Variants in IFFO1 observed in about 807,000 individuals in gnomAD.
IFFO1 encodes the protein non-homologous end joining factor IFFO1.
Under a neutral mutation model 59.6 loss-of-function variants are expected in IFFO1, and 42 were observed. That is an observed-to-expected ratio of 0.70 (90% CI 0.55 to 0.91). IFFO1 has a LOEUF of 0.91. IFFO1 is among the 40% of genes least tolerant of loss of function. IFFO1 has a pLI of 0.00. For synonymous variants in IFFO1, 336 were observed against 342.8 expected (o/e 0.98, Z 0.22); for missense variants, 711 against 793.2 (o/e 0.90, Z 1.24).
chr12:6,549,845 T>C lies in IFFO1; in HGVS notation c.982A>G (p.Met328Val), dbSNP rs778057903. Residue 328 changes from methionine (M) to valine (V), a missense_variant, in exon 4 of 10, where the codon ATG (methionine) becomes GTG (valine). This residue lies in a region of IFFO1 where 579 missense variants were observed against 650.3 expected (regional missense o/e 0.89). Coordinates refer to ENST00000619571, the MANE Select transcript of IFFO1 (RefSeq NM_001193457.2). This position sits in a 1 kb window ranked among gnomAD's most constrained non-coding sequence, Gnocchi z 5.0. ...KIQEKAMKVD[M>V]DICRRIDITA... is the part of the protein sequence containing the mutation. Reference sequence around the variant, plus strand: ...ATGTCGATGCGGCGGCAGATGTCCATATCCACCTTCATGGCTTTCTCCTGG... The same window carrying C: ...ATGTCGATGCGGCGGCAGATGTCCACATCCACCTTCATGGCTTTCTCCTGG... The C allele has an allele frequency of 1.2e-6, 2 of 1,614,194 alleles. No homozygotes were observed. Among genetic ancestry groups the C allele is most frequent in the South Asian group, 1.1e-5 (1 of 91,082 alleles).
chr12:6,554,648 G>T (rs911724984), intron 1 of IFFO1, among the ~76,000 whole-genome samples: 8 of 152,146 alleles, frequency 5.3e-5, no homozygotes, highest in South Asian at 4.1e-4. Context: ...TGTCAGCCCT[G>T]CTCTCCACCC....
At chr12:6,551,751 TGAGTAC>T in intron 1 of IFFO1, 1 of 347,458 alleles carries the variant, frequency 2.9e-6, no homozygotes, top group Non-Finnish European at 5.7e-6. Context: ...AGGGGCCCGG[TGAGTAC>T]GGCAAATGAG....
Position 6,540,502 on chromosome 12 carries a change from G to T in IFFO1, c.1697C>A (p.Ser566Tyr), listed in dbSNP as rs1486835327. The change falls in exon 10 of 10, where the codon TCT becomes TAT. Residue 566 changes from serine (S) to tyrosine (Y), a missense_variant. By Grantham distance (144) the Ser-to-Tyr change is moderately radical (BLOSUM62 -2). This residue lies in a region of IFFO1 where 579 missense variants were observed against 650.3 expected (regional missense o/e 0.89). Coordinates refer to ENST00000619571, the MANE Select transcript of IFFO1 (RefSeq NM_001193457.2). ...AGGTCTCTATCTCATGGAGCTGTCAGATGAGACATCGCGATCGGAGTCCTC... is the reference window on the plus strand; with the variant it reads ...AGGTCTCTATCTCATGGAGCTGTCATATGAGACATCGCGATCGGAGTCCTC... Reference protein sequence around the residue: ...EAEDSDRDVSSDSSMR With the variant: ...EAEDSDRDVSYDSSMR 3.1e-6 allele frequency: 5 copies of T among 1,613,982 alleles called. No individual in the cohort carries two copies. The East Asian group carries it at 1.1e-4, about 36-fold the overall frequency.
chr12:6,549,550 G>A lies in IFFO1; in HGVS notation c.1072-66C>T, dbSNP rs1947141041. The stretch of plus-strand genomic sequence containing the variant: ...GAGGAAGCAGACAGAGGAGAGAGAG[G>A]GGGAAGGGAGAGACGGCGTTAGAGA... On this transcript the variant is annotated intron_variant, in intron 4 of 9. Transcript: ENST00000619571. This position sits in a 1 kb window ranked among gnomAD's most constrained non-coding sequence, Gnocchi z 5.0. 1.4e-6 allele frequency: 2 copies of A among 1,425,666 alleles called. No homozygotes were observed. Among genetic ancestry groups the A allele is most frequent in the Admixed American group, 1.7e-5 (1 of 59,080 alleles). The allele number at this position is 1,425,666 out of a possible 1,614,324, so 88.3% of individuals were successfully genotyped here.
At chr12:6,552,864 T>C (rs1405350694) in intron 1 of IFFO1, among the ~76,000 whole-genome samples, 1 of 152,210 alleles carries the variant, frequency 6.6e-6, no homozygotes, top group Non-Finnish European at 1.5e-5. Flanking sequence ...TTCCATCTGG[T>C]CTCACTTATA....
At position 6,540,407 on chromosome 12, in the gene IFFO1, C is replaced by G; in HGVS notation, c.*76G>C. 8.4e-7 allele frequency: 1 copy of G among 1,184,768 alleles called. No individual in the cohort carries two copies. The highest frequency in any genetic ancestry group is 1.3e-6 in the Non-Finnish European group (1 of 790,678). 73.4% of individuals were successfully genotyped at this position (1,184,768 alleles called of 1,614,324 possible). On this transcript the variant is annotated 3_prime_UTR_variant, in exon 10 of 10. Coordinates refer to ENST00000619571, the MANE Select transcript of IFFO1 (RefSeq NM_001193457.2). ...GGTGCAGAGCTGCAGCTGATGTTCC[C>G]CTCTGTGCAGCCCCACCCTCTGCCT...
intron 8 of IFFO1, among the ~76,000 whole-genome samples, chr12:6,542,372 C>CA (rs1946757719): frequency 6.6e-6 from 1 of 152,180 alleles, no homozygotes; most frequent in Non-Finnish European, 1.5e-5. Context: ...CACTCTGAGG[C>CA]AGGCGGAGAG....
intron 1 of IFFO1, among the ~76,000 whole-genome samples, chr12:6,554,263 G>T (rs960100780): frequency 1.3e-5 from 2 of 152,076 alleles, no homozygotes; most frequent in Non-Finnish European, 2.9e-5. Context: ...CGCCCACAAG[G>T]GGTCATAATA....
At chr12:6,546,929 G>T (rs1812321183) in intron 8 of IFFO1, among the ~76,000 whole-genome samples, 1 of 152,178 alleles carries the variant, frequency 6.6e-6, no homozygotes, top group Admixed American at 6.6e-5. Flanking sequence ...AAGGCTGAGT[G>T]GAAGAAACAG....
chr12:6,553,696 C>T (rs973234777), intron 1 of IFFO1, among the ~76,000 whole-genome samples: 2 of 152,120 alleles, frequency 1.3e-5, no homozygotes, highest in Non-Finnish European at 1.5e-5. Flanking sequence ...TGCTTGAGCC[C>T]AGGAGGATGA....
In IFFO1 at chr12:6,548,659, C is replaced by T. The variant is rs373750963; in HGVS notation, c.1262+9G>A. On this transcript the variant is annotated intron_variant, in intron 6 of 9. Transcript: ENST00000619571. The surrounding 1 kb of genome is among the most constrained non-coding windows in gnomAD (Gnocchi z 6.1). ...GTCGGTGCTGCGGGAGCACGGCCTG[C>T]GGACTCACAGCTGGTTGAGCATGCG... 4.5e-5 allele frequency: 72 copies of T among 1,613,970 alleles called. No homozygotes were observed. The highest frequency in any genetic ancestry group is 1.1e-4 in the African/African-American group (8 of 75,022).
chr12:6,548,292 A>C lies in IFFO1; in HGVS notation c.1384-132T>G. 1 of 1,334,934 alleles carries C rather than the reference A, an allele frequency of 7.5e-7. No homozygotes were observed. The highest frequency in any genetic ancestry group is 1.1e-6 in the Non-Finnish European group (1 of 938,714). 82.7% of individuals were successfully genotyped at this position (1,334,934 alleles called of 1,614,324 possible). A position where few individuals can be genotyped will look rare whatever the true frequency, so the allele number is the denominator to read the frequency against. ...AAACTGGAGAAAGAAAAGCAAAAGG[A>C]TAAAGGAAGAGGGGAGACGCAGGTA... On this transcript the variant is annotated intron_variant, in intron 7 of 9. Coordinates refer to ENST00000619571, the MANE Select transcript of IFFO1 (RefSeq NM_001193457.2). This position sits in a 1 kb window ranked among gnomAD's most constrained non-coding sequence, Gnocchi z 6.1.
intron 8 of IFFO1, among the ~76,000 whole-genome samples, chr12:6,546,682 G>A (rs917815701): frequency 6.6e-6 from 1 of 152,088 alleles, no homozygotes; most frequent in Non-Finnish European, 1.5e-5. Context: ...GTAGAGACGG[G>A]GTTTCACCGT....
rs748439001 is a variant in IFFO1 at position 6,541,609 on chromosome 12, G to T, written c.1513C>A (p.Arg505=). 2.5e-6 allele frequency: 4 copies of T among 1,614,160 alleles called. No individual in the cohort carries two copies. The South Asian group carries it at 4.4e-5, about 18-fold the overall frequency. Residue 505 remains arginine, a synonymous_variant, in exon 9 of 10, where the codon CGG becomes AGG. Transcript: ENST00000619571. The surrounding 1 kb of genome is among the most constrained non-coding windows in gnomAD (Gnocchi z 4.8). ...ATCTCCATGTACTCGTGCAGGTGCC[G>T]GTTCATGTCGTTCTTGGCCGTGGCC... ...ELATAKNDMN[R]HLHEYMEMCS...
At chr12:6,550,241 A>G (rs892100463) in intron 3 of IFFO1, 4 of 330,784 alleles carry the variant, frequency 1.2e-5, no homozygotes, top group Non-Finnish European at 2.2e-5. Context: ...CCTGGGAATT[A>G]TAAGAGTGGA....
chr12:6,540,181 G>A lies in IFFO1; in HGVS notation c.*302C>T, dbSNP rs1433745446. 7 of 489,868 alleles carry A rather than the reference G, an allele frequency of 1.4e-5. No homozygotes were observed. The highest frequency in any genetic ancestry group is 3.9e-5 in the African/African-American group (2 of 50,896). 30.3% of individuals were successfully genotyped at this position (489,868 alleles called of 1,614,324 possible). On this transcript the variant is annotated 3_prime_UTR_variant, in exon 10 of 10. Transcript: ENST00000619571. ...TCCTGATACGTGGACAAGGTGAGGG[G>A]CCGCAATCGCTCTGGCAGCATTTTA...
chr12:6,544,165 C>CTTTTT (rs531995265), intron 8 of IFFO1, among the ~76,000 whole-genome samples: 5 of 136,708 alleles, frequency 3.7e-5, no homozygotes, highest in South Asian at 4.6e-4. Context: ...TTTGAAAATA[C>CTTTTT]TTTTTTTTTT....
rs746776407 is a variant in IFFO1, at chr12:6,540,571, G to C, written c.1628C>G (p.Thr543Ser). 4 of 1,613,742 alleles carry C rather than the reference G, an allele frequency of 2.5e-6. No homozygotes were observed. The African/African-American group carries it at 4.0e-5, about 16-fold the overall frequency. The change falls in exon 10 of 10, where the codon ACT becomes AGT. Residue 543 changes from threonine (T) to serine (S), a missense_variant. Physicochemically the swap from Thr to Ser is moderately conservative, Grantham distance 58. Transcript: ENST00000619571. Reference protein sequence around the residue: ...QSGDRKSPAFTAVPLSDPPPP... With the variant: ...QSGDRKSPAFSAVPLSDPPPP... ...CGGCGGGTCGCTAAGCGGGACCGCA[G>C]TGAAAGCAGGAGACTTTCTAGAAAA...
intron 1 of IFFO1, chr12:6,551,540 G>C (rs1382251216): frequency 1.7e-6 from 2 of 1,193,134 alleles, no homozygotes; most frequent in Non-Finnish European, 2.2e-6. Flanking sequence ...AGTGGGTCAA[G>C]AGCCTGGTAG....
Sources: gnomAD v4.1 joint callset for allele counts (sites outside exome capture counted in the v4.1 genomes callset) on GRCh38, gnomAD v4.1.1 for gene constraint, gnomAD v4.1.1 regional missense constraint, Gnocchi (gnomAD v3.1) non-coding constraint, MANE v1.5 for transcripts, NCBI Gene and HGNC (gene_info 2026-07-23, HGNC 2026-07-21) for gene names.